PHTF2: variants seen among roughly 807,000 people sequenced by gnomAD.
The protein encoded by PHTF2 is protein PHTF2.
In PHTF2, 60 loss-of-function variants were observed where a neutral mutation model predicts 101.2. The ratio of observed to expected loss-of-function variants is 0.59; its 90% CI spans 0.48 to 0.73. The LOEUF (loss-of-function observed/expected upper bound fraction) is 0.73, where lower values mean the gene tolerates loss of function less well. PHTF2 is among the 30% of genes least tolerant of loss of function. The pLI is 0.00. For missense variants in PHTF2, 747 were observed against 908.7 expected (o/e 0.82, Z 2.29); for synonymous variants, 311 against 307.3 (o/e 1.01, Z -0.13).
chr7:77,815,936 TTC>T (rs1417558343), intron 1 of PHTF2, among the ~76,000 whole-genome samples: 7 of 152,226 alleles, frequency 4.6e-5, no homozygotes, highest in African/African-American at 1.4e-4. Context: ...TTTTTTTCCG[TTC>T]TCTCTGTTCT....
At position 77,840,398 on chromosome 7, in the gene PHTF2, G is replaced by A. The variant is rs1409768670; in HGVS notation, c.45+98G>A. The stretch of plus-strand genomic sequence containing the variant: ...AGATGTTAGGATTTTGAGTGGGAAA[G>A]GAAGATTATTTTTATTTTTCTTGTA... On this transcript the variant is annotated intron_variant, in intron 2 of 19. Coordinates refer to ENST00000416283, the Ensembl canonical transcript of PHTF2. 3 of 707,522 alleles carry A rather than the reference G, an allele frequency of 4.2e-6. No individual in the cohort carries two copies. In the East Asian group the frequency reaches 8.0e-5, roughly 19 times the overall value. 43.8% of individuals were successfully genotyped at this position (707,522 alleles called of 1,614,324 possible).
chr7:77,872,961 T>TG (rs149379216), intron 3 of PHTF2, among the ~76,000 whole-genome samples: 3,352 of 152,120 alleles, frequency 0.022, 52 homozygotes, highest in Middle Eastern at 0.068. Flanking sequence ...GACAGAGTCT[T>TG]GCTCTGTCAC....
intron 2 of PHTF2, among the ~76,000 whole-genome samples, chr7:77,847,294 C>T (rs1796377161): frequency 6.6e-6 from 1 of 152,200 alleles, no homozygotes; most frequent in African/African-American, 2.4e-5. Context: ...GAACCATAGA[C>T]AAATGCGCTT....
At chr7:77,946,916 G>A (rs1230186355) in intron 16 of PHTF2, among the ~76,000 whole-genome samples, 1 of 150,032 alleles carries the variant, frequency 6.7e-6, no homozygotes, top group Admixed American at 6.7e-5. Context: ...GAGCCCAGGA[G>A]TTCAAGACCA....
At chr7:77,902,108 T>C (rs1330694218) in intron 7 of PHTF2, among the ~76,000 whole-genome samples, 188 bp downstream of exon 6, 1 of 152,182 alleles carries the variant, frequency 6.6e-6, no homozygotes, top group Non-Finnish European at 1.5e-5. Flanking sequence ...TATAATTTTA[T>C]GAATATTTGA....
intron 16 of PHTF2, 128 bp from the exon 16 acceptor site, chr7:77,949,550 T>G: frequency 1.7e-6 from 1 of 593,054 alleles, no homozygotes; most frequent in African/African-American, 1.9e-5. Context: ...GCTTAAAATA[T>G]TTCATAATTA....
At chr7:77,953,462 G>A (rs1031114548) in intron 18 of PHTF2, among the ~76,000 whole-genome samples, 10 of 151,998 alleles carry the variant, frequency 6.6e-5, no homozygotes, top group African/African-American at 1.2e-4. Flanking sequence ...GTTCTCTTTC[G>A]GTTTCTAGTC....
At chr7:77,839,200 T>C (rs1795690683) in intron 1 of PHTF2, among the ~76,000 whole-genome samples, 1 of 152,174 alleles carries the variant, frequency 6.6e-6, no homozygotes, top group Non-Finnish European at 1.5e-5. Context: ...CTTGGATGAT[T>C]TTGGTTTGTA....
chr7:77,878,395 C>T (rs145283768), intron 3 of PHTF2, among the ~76,000 whole-genome samples: 17 of 151,602 alleles, frequency 1.1e-4, no homozygotes, highest in Non-Finnish European at 1.8e-4. Flanking sequence ...ATGCAGGGTC[C>T]GAAAAATACC....
chr7:77,953,753 TTTTCTCTTCTGC>T lies in PHTF2; in HGVS notation c.2212-14_2212-3del. 6.2e-7 allele frequency: 1 copy of T among 1,604,112 alleles called. No homozygotes were observed. The highest frequency in any genetic ancestry group is 8.5e-7 in the Non-Finnish European group (1 of 1,175,770). On this transcript the variant is annotated splice_polypyrimidine_tract_variant and splice_region_variant and intron_variant, in intron 18 of 19. Coordinates refer to ENST00000416283, the Ensembl canonical transcript of PHTF2. Reference sequence around the variant, plus strand: ...CTTTTTGAATCTGGGACTGACTTTTTTTTCTCTTCTGCTAGGAGTTGGACAGTCCTTTTAGAT... The same window carrying T: ...CTTTTTGAATCTGGGACTGACTTTTTTAGGAGTTGGACAGTCCTTTTAGAT...
exon 20 of PHTF2, chr7:77,954,896 G>T: frequency 7.0e-7 from 1 of 1,422,578 alleles, no homozygotes. Context: ...AAGAAAAGAA[G>T]ATGTAGCCTC....
At chr7:77,900,322 C>T (rs967927585) in intron 5 of PHTF2, among the ~76,000 whole-genome samples, 1 of 152,176 alleles carries the variant, frequency 6.6e-6, no homozygotes, top group Non-Finnish European at 1.5e-5. Flanking sequence ...GCCTCCAGCA[C>T]CACACCTTGA....
intron 1 of PHTF2, among the ~76,000 whole-genome samples, chr7:77,839,068 G>A (rs17807748): frequency 0.022 from 3,359 of 152,148 alleles, 52 homozygotes; most frequent in Middle Eastern, 0.068. Context: ...TAAAACCTCC[G>A]GTACTTTGTT....
chr7:77,927,750 AT>A (rs2150937583), intron 11 of PHTF2, among the ~76,000 whole-genome samples: 1 of 152,342 alleles, frequency 6.6e-6, no homozygotes, highest in Admixed American at 6.5e-5. Flanking sequence ...GGAGTGCAGG[AT>A]TAATGATAAG....
At chr7:77,903,843 G>A (rs896465126) in intron 7 of PHTF2, among the ~76,000 whole-genome samples, 5 of 152,178 alleles carry the variant, frequency 3.3e-5, no homozygotes, top group Admixed American at 3.3e-4. Context: ...GCAGTGCTCT[G>A]AGTTATGTCC....
At chr7:77,912,394 TTGA>T (rs1251413368) in intron 9 of PHTF2, among the ~76,000 whole-genome samples, 1 of 152,242 alleles carries the variant, frequency 6.6e-6, no homozygotes, top group Non-Finnish European at 1.5e-5. Flanking sequence ...TTCAGAGATC[TTGA>T]TGATATTTTC....
rs1413879107 is a variant in PHTF2, at chr7:77,917,509, C to T, written c.777-2770C>T. On this transcript the variant is annotated intron_variant, in intron 9 of 19. Transcript: ENST00000416283. Reference sequence around the variant, plus strand: ...ATACACCATCAATTTGCATTGATAGCTCCAATTCAAATACAATCCTGCGGG... The same window carrying T: ...ATACACCATCAATTTGCATTGATAGTTCCAATTCAAATACAATCCTGCGGG... 4.6e-5 allele frequency among the ~76,000 whole-genome samples: 7 copies of T among 152,162 alleles called. No individual in the cohort carries two copies. The East Asian group carries it at 1.3e-3, about 29-fold the overall frequency.
chr7:77,821,131 T>C (rs1006356492), intron 1 of PHTF2, among the ~76,000 whole-genome samples: 1 of 152,178 alleles, frequency 6.6e-6, no homozygotes, highest in Non-Finnish European at 1.5e-5. Flanking sequence ...TGGCAGTTTT[T>C]TTTTTTTCTT....
chr7:77,858,992 A>T (rs1489863188), intron 3 of PHTF2, among the ~76,000 whole-genome samples: 1 of 152,152 alleles, frequency 6.6e-6, no homozygotes, highest in Non-Finnish European at 1.5e-5. Context: ...TTCCTTCTGG[A>T]GAGAGACTGT....
Sources: allele counts gnomAD v4.1 joint callset (sites outside exome capture counted in the v4.1 genomes callset), GRCh38; gene constraint gnomAD v4.1.1; transcripts MANE v1.5; gene names NCBI Gene and HGNC (gene_info 2026-07-23, HGNC 2026-07-21).